DPP6: variants seen among roughly 807,000 people sequenced by gnomAD.
The protein encoded by DPP6 is A-type potassium channel modulatory protein DPP6.
In DPP6, 69 loss-of-function variants were observed where a neutral mutation model predicts 122.6. The ratio of observed to expected loss-of-function variants is 0.56; its 90% CI spans 0.46 to 0.69. The LOEUF is 0.69. Ranked by LOEUF, DPP6 falls within the 30% of genes least tolerant of loss-of-function variation. The probability of loss-of-function intolerance (pLI) is 0.00; values close to 1 mark genes in which losing one functional copy is unlikely to be tolerated. For synonymous variants in DPP6, 418 were observed against 433.1 expected, an observed-to-expected ratio of 0.97 and a Z score of 0.43; for missense variants, 928 against 1,116.9, an observed-to-expected ratio of 0.83 and a Z score of 2.41.
In DPP6 at chr7:154,618,631, C is replaced by T. The variant is rs773781517; in HGVS notation, c.628-19190C>T. ...AGCCACGCACAGGATCGCTAGAAGC[C>T]GGGGCCACAGCCCAGCTTCCACCCT... On this transcript the variant is annotated intron_variant, in intron 5 of 25. Transcript: ENST00000377770. The surrounding 1 kb of genome is among the most constrained non-coding windows in gnomAD (Gnocchi z 4.1). Among the ~76,000 whole-genome samples the T allele has an allele frequency of 5.9e-4, 90 of 152,274 alleles. No individual in the cohort carries two copies. The highest frequency in any genetic ancestry group is 9.9e-4 in the Non-Finnish European group (67 of 68,020).
chr7:154,801,014 T>C (rs1159253506), intron 12 of DPP6, among the ~76,000 whole-genome samples: 1 of 151,944 alleles, frequency 6.6e-6, no homozygotes, highest in African/African-American at 2.4e-5. Context: ...GCACCTCCTT[T>C]TGAGTTTTGA....
intron 2 of DPP6, among the ~76,000 whole-genome samples, chr7:154,464,360 C>G (rs1208678458): frequency 3.3e-5 from 5 of 152,240 alleles, no homozygotes; most frequent in Non-Finnish European, 7.3e-5. Flanking sequence ...CTGTCTTTCC[C>G]ACTCTCTTCA....
the DPP6 span, among the ~76,000 whole-genome samples, chr7:153,755,621 C>T: frequency 2.6e-5 from 4 of 152,114 alleles, no homozygotes; most frequent in African/African-American, 9.7e-5. Context: ...CATAGACCTT[C>T]CCCCTTCTGG....
At position 154,163,036 on chromosome 7, in the gene DPP6, A is replaced by G. The variant is rs182729400; in HGVS notation, c.243+109973A>G. The stretch of plus-strand genomic sequence containing the variant: ...ATCTGCATTGCTAGCATTGAGTCAA[A>G]CTTGACACCTGGAATCTGATCATTG... On this transcript the variant is annotated intron_variant, in intron 1 of 25. Transcript: ENST00000377770. 1.0e-3 allele frequency among the ~76,000 whole-genome samples: 154 copies of G among 152,218 alleles called. 2 individuals carry two copies. The highest frequency in any genetic ancestry group is 3.6e-3 in the African/African-American group (149 of 41,522).
intron 1 of DPP6, among the ~76,000 whole-genome samples, chr7:153,959,775 T>C (rs1377144085): frequency 6.6e-6 from 1 of 152,248 alleles, no homozygotes; most frequent in Non-Finnish European, 1.5e-5. Context: ...TGCTTTCTTA[T>C]CATTCATGTG....
chr7:154,004,055 G>T (rs1353059608), intron 1 of DPP6, among the ~76,000 whole-genome samples: 1 of 152,194 alleles, frequency 6.6e-6, no homozygotes, highest in Non-Finnish European at 1.5e-5. Context: ...GTTGCTATTA[G>T]TGATCTCTCT....
At chr7:154,575,614 TGTGTGTG>T (rs1831602729) in intron 5 of DPP6, among the ~76,000 whole-genome samples, 1 of 107,336 alleles carries the variant, frequency 9.3e-6, no homozygotes, top group Non-Finnish European at 1.8e-5. Context: ...TGTGTGTATG[TGTGTGTG>T]GTGTGTGTGT....
At chr7:154,864,967 C>A (rs1803728848) in intron 17 of DPP6, among the ~76,000 whole-genome samples, 1 of 152,220 alleles carries the variant, frequency 6.6e-6, no homozygotes, top group African/African-American at 2.4e-5. Flanking sequence ...GTTTAACCTT[C>A]TCCTTCATGA....
chr7:153,944,664 G>GTTT (rs139824215), intron 1 of DPP6, among the ~76,000 whole-genome samples: 16,241 of 105,418 alleles, frequency 0.15, 1,572 homozygotes, highest in African/African-American at 0.18. Flanking sequence ...TTTTGTGTGG[G>GTTT]TTTTTTTTTT....
At chr7:154,258,327 A>G (rs1291901657) in intron 1 of DPP6, among the ~76,000 whole-genome samples, 1 of 152,226 alleles carries the variant, frequency 6.6e-6, no homozygotes, top group Non-Finnish European at 1.5e-5. Flanking sequence ...CCCCATAACA[A>G]TTCAGTTTCT....
intron 1 of DPP6, among the ~76,000 whole-genome samples, chr7:154,008,881 G>T (rs1479402337): frequency 3.1e-4 from 47 of 150,666 alleles, no homozygotes; most frequent in African/African-American, 1.0e-3. Context: ...TAGCCAGGAT[G>T]GTCTCGATCT....
chr7:153,964,293 G>A (rs531499429), intron 1 of DPP6, among the ~76,000 whole-genome samples: 1 of 152,324 alleles, frequency 6.6e-6, no homozygotes, highest in Admixed American at 6.5e-5. Context: ...ACTGTGCCCA[G>A]CCTGAGTTTC....
At chr7:153,862,752 CAATA>C in the DPP6 span, among the ~76,000 whole-genome samples, 2 of 151,918 alleles carry the variant, frequency 1.3e-5, no homozygotes, top group African/African-American at 4.8e-5. Context: ...TCCATTATCT[CAATA>C]AAAGTCCATT....
chr7:154,320,597 G>A (rs1807864427), intron 1 of DPP6, among the ~76,000 whole-genome samples: 1 of 152,030 alleles, frequency 6.6e-6, no homozygotes, highest in Non-Finnish European at 1.5e-5. Flanking sequence ...CGATCCTTCT[G>A]CCTCAGCCTC....
chr7:154,065,815 G>A (rs1193156540), intron 1 of DPP6, among the ~76,000 whole-genome samples: 1 of 152,052 alleles, frequency 6.6e-6, no homozygotes, highest in Non-Finnish European at 1.5e-5. Context: ...TTTCCTCAGG[G>A]AATGGGGCAA....
rs185028807 is a variant in DPP6, at chr7:154,062,998, C to T, written c.243+9935C>T. Among the ~76,000 whole-genome samples the T allele has an allele frequency of 9.1e-4, 124 of 135,886 alleles. 17 individuals are homozygous for T. The highest frequency in any genetic ancestry group is 3.2e-3 in the African/African-American group (120 of 37,764). The allele number at this position is 135,886 out of a possible 152,430, so 89.1% of individuals were successfully genotyped here. On this transcript the variant is annotated intron_variant, in intron 1 of 25. Transcript: ENST00000377770. ...TTACGTGGAATTACTGAGAGCCAGTCCCTCTTCCCCCCCTGGCTCTGAGGA... is the reference window on the plus strand; with the variant it reads ...TTACGTGGAATTACTGAGAGCCAGTTCCTCTTCCCCCCCTGGCTCTGAGGA...
At chr7:154,724,610 G>C (rs1841977393) in intron 7 of DPP6, among the ~76,000 whole-genome samples, 1 of 152,134 alleles carries the variant, frequency 6.6e-6, no homozygotes, top group Non-Finnish European at 1.5e-5. Context: ...CATTGCCTTT[G>C]GGACACCTTA....
In DPP6 at chr7:154,455,808, A is replaced by G. The variant is rs1419501638; in HGVS notation, c.358+9480A>G. On this transcript the variant is annotated intron_variant, in intron 2 of 25. Transcript: ENST00000377770. Reference sequence around the variant, plus strand: ...TCTACATATTTATCTATAAATGGACACTTTTCAAGTGTTGCTGCATTTTGC... The same window carrying G: ...TCTACATATTTATCTATAAATGGACGCTTTTCAAGTGTTGCTGCATTTTGC... Among the ~76,000 whole-genome samples the G allele has an allele frequency of 2.0e-5, 3 of 152,216 alleles. No homozygotes were observed. The East Asian group carries it at 5.8e-4, about 29-fold the overall frequency.
At chr7:154,271,899 C>G (rs950006719) in intron 1 of DPP6, among the ~76,000 whole-genome samples, 1 of 152,178 alleles carries the variant, frequency 6.6e-6, no homozygotes, top group Non-Finnish European at 1.5e-5. Context: ...TCCTGCCTTA[C>G]AGGAAGATGT....
Sources: allele counts gnomAD v4.1 joint callset (sites outside exome capture counted in the v4.1 genomes callset), GRCh38; gene constraint gnomAD v4.1.1; non-coding constraint Gnocchi (gnomAD v3.1); transcripts MANE v1.5; gene names NCBI Gene and HGNC (gene_info 2026-07-23, HGNC 2026-07-21).